Variants in CHST9 observed in about 807,000 individuals in gnomAD.
The protein encoded by CHST9 is carbohydrate sulfotransferase 9.
Under a neutral mutation model 44.4 loss-of-function variants are expected in CHST9, and 41 were observed. That is an observed-to-expected ratio of 0.92 (90% CI 0.72 to 1.20). The LOEUF (loss-of-function observed/expected upper bound fraction) is 1.20, where lower values mean the gene tolerates loss of function less well. Ranked by LOEUF, CHST9 falls within the 50% of genes most tolerant of loss-of-function variation. CHST9 has a pLI of 0.00. For missense variants in CHST9, 504 were observed against 516.5 expected (o/e 0.98, Z 0.23); for synonymous variants, 171 against 178.4 (o/e 0.96, Z 0.33).
intron 2 of CHST9, among the ~76,000 whole-genome samples, chr18:27,084,653 T>TTCAGC (rs147145798): frequency 0.027 from 4,077 of 152,028 alleles, 168 homozygotes; most frequent in African/African-American, 0.092. Context: ...TTTTGTTTAG[T>TTCAGC]TCAGCTCTAA....
chr18:26,928,729 A>G (rs555322648), intron 5 of CHST9, among the ~76,000 whole-genome samples: 79 of 152,294 alleles, frequency 5.2e-4, no homozygotes, highest in Non-Finnish European at 1.1e-3. Flanking sequence ...CCCCAGAGTT[A>G]TTCCACACAA....
chr18:27,120,960 T>C (rs1389370805), intron 2 of CHST9, among the ~76,000 whole-genome samples: 1 of 152,150 alleles, frequency 6.6e-6, no homozygotes, highest in Non-Finnish European at 1.5e-5. Context: ...CAGAGTTAAA[T>C]GTGGTTTCAT....
intron 4 of CHST9, among the ~76,000 whole-genome samples, chr18:26,969,368 C>CTGTGTGTGTGTG (rs1435153900): frequency 3.2e-5 from 3 of 94,020 alleles, no homozygotes; most frequent in Admixed American, 1.2e-4. Flanking sequence ...GATTCTCTCT[C>CTGTGTGTGTGTG]TCTCTCTCTG....
intron 4 of CHST9, among the ~76,000 whole-genome samples, chr18:27,000,498 G>A (rs529878820): frequency 9.3e-4 from 142 of 152,190 alleles, no homozygotes; most frequent in African/African-American, 3.1e-3. Flanking sequence ...TTAATTTGTC[G>A]GGCAAGTGAT....
At chr18:27,134,654 C>T (rs1410119683) in intron 2 of CHST9, among the ~76,000 whole-genome samples, 1 of 152,094 alleles carries the variant, frequency 6.6e-6, no homozygotes, top group Non-Finnish European at 1.5e-5. Context: ...GGATTGGTGA[C>T]AATGAGTTTT....
At chr18:26,984,500 G>A (rs866275454) in intron 4 of CHST9, among the ~76,000 whole-genome samples, 1 of 152,000 alleles carries the variant, frequency 6.6e-6, no homozygotes, top group Non-Finnish European at 1.5e-5. Context: ...GCAATAAGGG[G>A]AAAATCTGGT....
At chr18:27,023,918 G>A (rs764670204) in intron 4 of CHST9, among the ~76,000 whole-genome samples, 198 bp downstream of exon 4, 1 of 152,164 alleles carries the variant, frequency 6.6e-6, no homozygotes, top group Non-Finnish European at 1.5e-5. Flanking sequence ...CAAGGATCGT[G>A]GTTTGCTTGC....
chr18:27,126,739 T>C (rs1318160404), intron 2 of CHST9, among the ~76,000 whole-genome samples: 1 of 151,784 alleles, frequency 6.6e-6, no homozygotes, highest in Non-Finnish European at 1.5e-5. Flanking sequence ...AGCAGGAGGA[T>C]AATCAGGCTT....
At chr18:27,043,710 C>T (rs2057469786) in intron 3 of CHST9, among the ~76,000 whole-genome samples, 2 of 152,060 alleles carry the variant, frequency 1.3e-5, no homozygotes, top group African/African-American at 4.8e-5. Context: ...ATCCATACTT[C>T]CGCTGAGGTT....
intron 2 of CHST9, among the ~76,000 whole-genome samples, chr18:27,063,414 CA>C (rs1451768163): frequency 1.3e-5 from 2 of 152,124 alleles, no homozygotes; most frequent in African/African-American, 4.8e-5. Context: ...AGATAAAATA[CA>C]AATAAATTAA....
chr18:27,027,916 T>C (rs949780558), intron 3 of CHST9, among the ~76,000 whole-genome samples: 2 of 152,208 alleles, frequency 1.3e-5, no homozygotes, highest in African/African-American at 4.8e-5. Flanking sequence ...TTGTATTTTT[T>C]TGAGACAGAG....
chr18:27,156,219 G>A (rs1480660856), intron 1 of CHST9, among the ~76,000 whole-genome samples: 1 of 151,394 alleles, frequency 6.6e-6, no homozygotes, highest in African/African-American at 2.4e-5. Flanking sequence ...AGTGTCAAAA[G>A]TATTGAGAGA....
chr18:26,917,664 T>C (rs967934139), intron 5 of CHST9, among the ~76,000 whole-genome samples: 1 of 152,136 alleles, frequency 6.6e-6, no homozygotes, highest in African/African-American at 2.4e-5. Context: ...TATTAATAAG[T>C]ATGTCATCTT....
At chr18:27,043,837 T>C (rs1261831111) in intron 3 of CHST9, among the ~76,000 whole-genome samples, 1 of 152,074 alleles carries the variant, frequency 6.6e-6, no homozygotes, top group East Asian at 1.9e-4. Context: ...TGGAACGGCA[T>C]AGATGGTCCT....
At chr18:27,177,336 T>C (rs950771584) in intron 1 of CHST9, among the ~76,000 whole-genome samples, 1 of 151,972 alleles carries the variant, frequency 6.6e-6, no homozygotes, top group Admixed American at 6.6e-5. Flanking sequence ...TTTTTAAATG[T>C]ATTCATTAAA....
chr18:27,082,890 A>G (rs550575781), intron 2 of CHST9, among the ~76,000 whole-genome samples: 2 of 152,270 alleles, frequency 1.3e-5, no homozygotes, highest in African/African-American at 4.8e-5. Flanking sequence ...CCCTATAGCA[A>G]TCAGGAGATT....
In CHST9 at chr18:27,069,176, T is replaced by C. The variant is rs117942279; in HGVS notation, c.122-20673A>G. 5.5e-3 allele frequency among the ~76,000 whole-genome samples: 840 copies of C among 152,352 alleles called. 8 individuals are homozygous for C. Among genetic ancestry groups the C allele is most frequent in the East Asian group, 0.019 (98 of 5,192 alleles). On this transcript the variant is annotated intron_variant, in intron 2 of 5. Transcript: ENST00000618847. ...GTTAAATAAGTAACTGTAGAATAGA[T>C]AAAGACATATTAATAAATTGATTTA...
At chr18:27,001,829 C>T (rs537319268) in intron 4 of CHST9, among the ~76,000 whole-genome samples, 1 of 152,032 alleles carries the variant, frequency 6.6e-6, no homozygotes, top group African/African-American at 2.4e-5. Context: ...GATTGGCACA[C>T]TCAGGTGAGG....
chr18:27,082,767 T>A lies in CHST9; in HGVS notation c.122-34264A>T, dbSNP rs529118735. ...TACCTGAGAGAGTGAGGTGACAGTA[T>A]AAGAGGAACCCACTAAGCCTTTGAT... On this transcript the variant is annotated intron_variant, in intron 2 of 5. Transcript: ENST00000618847. Among the ~76,000 whole-genome samples, 8 of 152,212 alleles carry A rather than the reference T, an allele frequency of 5.3e-5. No individual in the cohort carries two copies. In the East Asian group the frequency reaches 1.4e-3, roughly 26 times the overall value.
Sources: allele counts gnomAD v4.1 joint callset (sites outside exome capture counted in the v4.1 genomes callset), GRCh38; gene constraint gnomAD v4.1.1; transcripts MANE v1.5; gene names NCBI Gene and HGNC (gene_info 2026-07-23, HGNC 2026-07-21).